The following LYPLAL1 variants were observed in gnomAD, a reference collection of about 807,000 sequenced individuals.
LYPLAL1 encodes lysophospholipase-like protein 1.
A neutral mutation model predicts 19.7 loss-of-function variants in LYPLAL1; 23 were observed. That is an observed-to-expected ratio of 1.17 (90% CI 0.84 to 1.65). LYPLAL1 has a LOEUF of 1.65. Among genes scored for constraint, LYPLAL1 ranks in the 40% most tolerant of loss-of-function variants. The pLI, the probability that LYPLAL1 is intolerant of heterozygous loss-of-function variation, is 0.00. For missense variants in LYPLAL1, 355 were observed against 279.4 expected, an observed-to-expected ratio of 1.27 and a Z score of -1.93; for synonymous variants, 119 against 96.3, an observed-to-expected ratio of 1.24 and a Z score of -1.38.
the LYPLAL1 span, among the ~76,000 whole-genome samples, chr1:219,254,283 A>G: frequency 1.3e-5 from 2 of 151,884 alleles, no homozygotes; most frequent in South Asian, 4.1e-4. Context: ...TTTGCATTCA[A>G]GGTTTAGTAC....
At chr1:219,376,807 C>T in the LYPLAL1 span, among the ~76,000 whole-genome samples, 2 of 152,144 alleles carry the variant, frequency 1.3e-5, no homozygotes, top group South Asian at 2.1e-4. Flanking sequence ...AACACAGACA[C>T]AACTACAACA....
In LYPLAL1 at chr1:219,200,117, G is replaced by A. The variant is rs1657977617; in HGVS notation, c.361+6866G>A. 7 of 231,192 alleles carry A rather than the reference G, an allele frequency of 3.0e-5. No individual in the cohort carries two copies. The South Asian group carries it at 5.4e-4, about 18-fold the overall frequency. The allele number at this position is 231,192 out of a possible 1,614,324, so 14.3% of individuals were successfully genotyped here. The stretch of plus-strand genomic sequence containing the variant: ...GCCAACCATACAGCCTCCCATGACA[G>A]TGGAACATATATCCTGTCCCTGAAA... On this transcript the variant is annotated intron_variant, in intron 3 of 4. Transcript: ENST00000366928.
the LYPLAL1 span, among the ~76,000 whole-genome samples, chr1:219,348,185 C>T: frequency 6.6e-6 from 1 of 152,202 alleles, no homozygotes; most frequent in African/African-American, 2.4e-5. Flanking sequence ...CCAGCTGCTG[C>T]CTTTATGTAG....
At chr1:219,214,744 AC>A (rs1461691631), downstream of LYPLAL1, among the ~76,000 whole-genome samples, 1 of 144,906 alleles carries the variant, frequency 6.9e-6, no homozygotes, top group Non-Finnish European at 1.5e-5. Flanking sequence ...CTACTAGAGT[AC>A]AGTGGCGTGA....
the LYPLAL1 span, among the ~76,000 whole-genome samples, chr1:219,334,499 C>T: frequency 6.7e-6 from 1 of 148,946 alleles, no homozygotes; most frequent in Non-Finnish European, 1.5e-5. Context: ...TAAATGACAG[C>T]TTTCTGACCC....
rs1657300050 is a variant in LYPLAL1, at chr1:219,192,990, A to G, written c.192-92A>G. 23 of 1,273,724 alleles carry G rather than the reference A, an allele frequency of 1.8e-5. No individual in the cohort carries two copies. The South Asian group carries it at 3.6e-4, about 20-fold the overall frequency. 78.9% of individuals were successfully genotyped at this position (1,273,724 alleles called of 1,614,324 possible). On this transcript the variant is annotated intron_variant, in intron 2 of 4. Transcript: ENST00000366928. ...AACTTAGAAGAAATTGAAATCATTT[A>G]TTCAAAACACTATTATTTTGGTAAT...
chr1:219,439,126 C>A, the LYPLAL1 span, among the ~76,000 whole-genome samples: 1 of 152,154 alleles, frequency 6.6e-6, no homozygotes, highest in Admixed American at 6.5e-5. Flanking sequence ...CCATTCCTAC[C>A]TATCCCCAGT....
the LYPLAL1 span, among the ~76,000 whole-genome samples, chr1:219,397,194 A>G: frequency 6.6e-6 from 1 of 152,070 alleles, no homozygotes; most frequent in Non-Finnish European, 1.5e-5. Flanking sequence ...GTCTTTAGCT[A>G]TGTTTATGTG....
the LYPLAL1 span, among the ~76,000 whole-genome samples, chr1:219,241,134 C>CTCTCTCTCTCTATATATATATATA: frequency 3.2e-4 from 14 of 44,342 alleles, no homozygotes; most frequent in Middle Eastern, 0.016. Flanking sequence ...CTCTCTCTCT[C>CTCTCTCTCTCTATATATATATATA]TATATATATA....
At chr1:219,262,621 C>G in the LYPLAL1 span, among the ~76,000 whole-genome samples, 1 of 152,128 alleles carries the variant, frequency 6.6e-6, no homozygotes, top group South Asian at 2.1e-4. Context: ...GTCTAGCCAC[C>G]CAGTGGGGCT....
chr1:219,267,541 G>A, the LYPLAL1 span, among the ~76,000 whole-genome samples: 2 of 152,112 alleles, frequency 1.3e-5, no homozygotes, highest in African/African-American at 4.8e-5. Context: ...GGGAAAACTA[G>A]GTCATTAATA....
the LYPLAL1 span, among the ~76,000 whole-genome samples, chr1:219,427,827 A>G: frequency 6.6e-5 from 10 of 152,338 alleles, no homozygotes; most frequent in Middle Eastern, 3.4e-3. Flanking sequence ...TTTCCATTTA[A>G]GAGATCCCAG....
the LYPLAL1 span, among the ~76,000 whole-genome samples, chr1:219,407,936 T>TA: frequency 1.3e-5 from 2 of 152,254 alleles, no homozygotes; most frequent in South Asian, 4.2e-4. Flanking sequence ...GGGTCTCTTT[T>TA]ATAAGGACAC....
chr1:219,406,096 G>A, the LYPLAL1 span, among the ~76,000 whole-genome samples: 12 of 152,136 alleles, frequency 7.9e-5, no homozygotes, highest in African/African-American at 2.7e-4. Flanking sequence ...CTTGAGATTT[G>A]AGAATCCCAT....
the LYPLAL1 span, among the ~76,000 whole-genome samples, chr1:219,338,677 A>G: frequency 6.6e-6 from 1 of 151,946 alleles, no homozygotes; most frequent in Non-Finnish European, 1.5e-5. Flanking sequence ...TTAATGTTAA[A>G]GGTAGACCTA....
chr1:219,245,158 C>T, the LYPLAL1 span, among the ~76,000 whole-genome samples: 1 of 150,106 alleles, frequency 6.7e-6, no homozygotes, highest in African/African-American at 2.5e-5. Flanking sequence ...CCCTCCTTCC[C>T]TCCCTCCCTC....
chr1:219,376,033 A>G, the LYPLAL1 span, among the ~76,000 whole-genome samples: 1 of 152,204 alleles, frequency 6.6e-6, no homozygotes, highest in Non-Finnish European at 1.5e-5. Context: ...GAGCCACTGC[A>G]CCTGGCCTAT....
At chr1:219,196,750 CTA>C (rs1437167899) in intron 3 of LYPLAL1, among the ~76,000 whole-genome samples, 1 of 152,102 alleles carries the variant, frequency 6.6e-6, no homozygotes, top group Non-Finnish European at 1.5e-5. Context: ...CTAGAAAACT[CTA>C]TCGTTTCAGC....
At chr1:219,443,130 C>T in the LYPLAL1 span, among the ~76,000 whole-genome samples, 3 of 151,442 alleles carry the variant, frequency 2.0e-5, no homozygotes, top group African/African-American at 7.3e-5. Flanking sequence ...CCTGAATGAT[C>T]GATACTTTCT....
Sources: gnomAD v4.1 joint callset for allele counts (sites outside exome capture counted in the v4.1 genomes callset) on GRCh38, gnomAD v4.1.1 for gene constraint, MANE v1.5 for transcripts, NCBI Gene and HGNC (gene_info 2026-07-23, HGNC 2026-07-21) for gene names.